Variants in SNX24 observed in about 807,000 individuals in gnomAD.
SNX24 encodes sorting nexin 24, also known as sorting nexin-24.
In SNX24, 22 loss-of-function variants were observed where a neutral mutation model predicts 28.7. That is an observed-to-expected ratio of 0.77 (90% CI 0.55 to 1.10). The LOEUF is 1.10. Ranked by LOEUF, SNX24 falls within the 50% of genes least tolerant of loss-of-function variation. The pLI, the probability that SNX24 is intolerant of heterozygous loss-of-function variation, is 0.00. For synonymous variants in SNX24, 69 were observed against 71.5 expected, an observed-to-expected ratio of 0.96 and a Z score of 0.18; for missense variants, 221 against 201.1, an observed-to-expected ratio of 1.10 and a Z score of -0.60.
At chr5:122,934,197 C>A (rs1759087333) in intron 1 of SNX24, among the ~76,000 whole-genome samples, 2 of 152,102 alleles carry the variant, frequency 1.3e-5, no homozygotes, top group African/African-American at 4.8e-5. Context: ...CCAGCGCCGT[C>A]CTGGAGGCCG....
At chr5:122,975,836 C>G (rs1394583264) in intron 3 of SNX24, among the ~76,000 whole-genome samples, 2 of 152,276 alleles carry the variant, frequency 1.3e-5, no homozygotes, top group South Asian at 2.1e-4. Flanking sequence ...TTGTGCCCAT[C>G]ATTGGTAAGG....
chr5:122,863,693 C>A (rs1348994833), intron 1 of SNX24, among the ~76,000 whole-genome samples: 1 of 151,974 alleles, frequency 6.6e-6, no homozygotes, highest in African/African-American at 2.4e-5. Flanking sequence ...GCAGCTAGGA[C>A]CATGGACGCA....
At chr5:123,006,925 T>C (rs1762442106) in intron 6 of SNX24, among the ~76,000 whole-genome samples, 1 of 152,214 alleles carries the variant, frequency 6.6e-6, no homozygotes. Context: ...ATAATGATAT[T>C]TATTTAAAGT....
chr5:123,024,030 T>C (rs1224993851), intron 5 of SNX24: 1 of 1,603,824 alleles, frequency 6.2e-7, no homozygotes. Context: ...AGACACATGG[T>C]TTAATTCTGA....
chr5:122,953,080 T>TCC (rs1340489245), intron 3 of SNX24, among the ~76,000 whole-genome samples: 1 of 152,106 alleles, frequency 6.6e-6, no homozygotes, highest in Non-Finnish European at 1.5e-5. Context: ...CTTTCTTCCT[T>TCC]TTTTCCTTCC....
At chr5:122,916,660 C>T (rs1428389245) in intron 1 of SNX24, among the ~76,000 whole-genome samples, 1 of 152,180 alleles carries the variant, frequency 6.6e-6, no homozygotes, top group East Asian at 1.9e-4. Flanking sequence ...CACCCCTGCC[C>T]TTACTGACTC....
At chr5:122,983,333 C>T (rs548416295) in intron 3 of SNX24, among the ~76,000 whole-genome samples, 18 of 151,948 alleles carry the variant, frequency 1.2e-4, no homozygotes, top group African/African-American at 4.3e-4. Context: ...TAAAAGGCAC[C>T]TTATAATTTC....
intron 1 of SNX24, among the ~76,000 whole-genome samples, chr5:122,895,009 T>C (rs1310139338): frequency 2.9e-4 from 2 of 6,916 alleles, no homozygotes; most frequent in African/African-American, 4.2e-3. Context: ...TTAACAGTAC[T>C]TTTTTTTTTT....
At chr5:122,980,996 T>C (rs898314742) in intron 3 of SNX24, among the ~76,000 whole-genome samples, 1 of 152,214 alleles carries the variant, frequency 6.6e-6, no homozygotes, top group South Asian at 2.1e-4. Context: ...AAGCTTAAAG[T>C]GCAGATGATA....
intron 1 of SNX24, among the ~76,000 whole-genome samples, chr5:122,895,959 G>C (rs555713631): frequency 6.6e-6 from 1 of 152,288 alleles, no homozygotes; most frequent in South Asian, 2.1e-4. Flanking sequence ...GACCAGCCTG[G>C]CCAACATGGT....
At chr5:122,950,555 C>G (rs1194972713) in intron 3 of SNX24, among the ~76,000 whole-genome samples, 3 of 152,166 alleles carry the variant, frequency 2.0e-5, no homozygotes, top group African/African-American at 7.2e-5. Flanking sequence ...AGCACATAGC[C>G]TAGTACAGAG....
chr5:122,868,495 C>T (rs1323077195), intron 1 of SNX24, among the ~76,000 whole-genome samples: 1 of 152,094 alleles, frequency 6.6e-6, no homozygotes, highest in East Asian at 1.9e-4. Context: ...ACCAGCATTG[C>T]ACTTAACCTA....
Position 122,845,624 on chromosome 5 carries a change from C to A in SNX24, c.-10C>A. On this transcript the variant is annotated 5_prime_UTR_variant, in exon 1 of 7. Coordinates refer to ENST00000261369, the MANE Select transcript of SNX24 (RefSeq NM_014035.4). ...CCCAACTCGCCCTCAGCCGGCTGGC[C>A]GGCGCGGCCATGGAGGTCTACATCC... is the stretch of plus-strand genomic sequence containing the variant. The A allele has an allele frequency of 2.2e-6, 3 of 1,394,138 alleles. No individual in the cohort carries two copies. Among genetic ancestry groups the A allele is most frequent in the African/African-American group, 1.5e-5 (1 of 67,918 alleles). 86.4% of individuals were successfully genotyped at this position (1,394,138 alleles called of 1,614,324 possible).
intron 3 of SNX24, among the ~76,000 whole-genome samples, chr5:122,971,038 C>G (rs1760937604): frequency 6.6e-6 from 1 of 152,162 alleles, no homozygotes; most frequent in Non-Finnish European, 1.5e-5. Flanking sequence ...AGGCTCTCTG[C>G]AAGCTAAGGA....
chr5:122,945,581 C>T (rs1202011911), intron 2 of SNX24, among the ~76,000 whole-genome samples: 3 of 152,160 alleles, frequency 2.0e-5, no homozygotes, highest in African/African-American at 7.2e-5. Flanking sequence ...AGTTCTCTCT[C>T]CAAATGATGT....
chr5:122,993,847 C>G (rs577645645), intron 3 of SNX24, among the ~76,000 whole-genome samples: 1 of 152,226 alleles, frequency 6.6e-6, no homozygotes, highest in African/African-American at 2.4e-5. Flanking sequence ...AGCATCTTTC[C>G]TGGTGAAGAG....
chr5:122,965,107 A>T lies in SNX24; in HGVS notation c.249+18948A>T, dbSNP rs372740876. ...CACAGGACCCTTAATTTCATTAAAC[A>T]CTGTGTAACTGGTAAAGATTAATGT... On this transcript the variant is annotated intron_variant, in intron 3 of 6. Transcript: ENST00000261369. 2.0e-5 allele frequency among the ~76,000 whole-genome samples: 3 copies of T among 152,336 alleles called. No individual in the cohort carries two copies. The East Asian group carries it at 5.8e-4, about 29-fold the overall frequency.
Position 122,963,978 on chromosome 5 carries a change from C to A in SNX24, c.249+17819C>A, listed in dbSNP as rs552341893. ...TAGTTCTGGGCCGGGCGCGATGGCT[C>A]ATGCCTGTAATCCCAGGACTTCGGG... On this transcript the variant is annotated intron_variant, in intron 3 of 6. Coordinates refer to ENST00000261369, the MANE Select transcript of SNX24 (RefSeq NM_014035.4). 7.9e-5 allele frequency among the ~76,000 whole-genome samples: 12 copies of A among 152,224 alleles called. No homozygotes were observed. The South Asian group carries it at 2.5e-3, about 32-fold the overall frequency.
chr5:122,959,134 A>G (rs1760353278), intron 3 of SNX24, among the ~76,000 whole-genome samples: 2 of 152,112 alleles, frequency 1.3e-5, no homozygotes, highest in Non-Finnish European at 2.9e-5. Flanking sequence ...TTTCTGTGTC[A>G]GGAGATTTTT....
Sources: allele counts gnomAD v4.1 joint callset (sites outside exome capture counted in the v4.1 genomes callset), GRCh38; gene constraint gnomAD v4.1.1; transcripts MANE v1.5; gene names NCBI Gene and HGNC (gene_info 2026-07-23, HGNC 2026-07-21).